Variants in KANK1 observed in about 807,000 individuals in gnomAD.
KANK1 encodes the protein KN motif and ankyrin repeat domains 1, also known as KN motif and ankyrin repeat domain-containing protein 1.
In KANK1, 109 loss-of-function variants were observed where a neutral mutation model predicts 106.2. That is an observed-to-expected ratio of 1.03 (90% CI 0.88 to 1.20). The LOEUF (loss-of-function observed/expected upper bound fraction) is 1.20, where lower values mean the gene tolerates loss of function less well. Among genes scored for constraint, KANK1 ranks in the 50% most tolerant of loss-of-function variants. The pLI, the probability that KANK1 is intolerant of heterozygous loss-of-function variation, is 0.00. For synonymous variants in KANK1, 873 were observed against 652.2 expected, an observed-to-expected ratio of 1.34 and a Z score of -5.16; for missense variants, 2,399 against 1,710.7, an observed-to-expected ratio of 1.40 and a Z score of -7.10.
At chr9:522,631 A>G (rs1277603539) in intron 1 of KANK1, among the ~76,000 whole-genome samples, 2 of 151,750 alleles carry the variant, frequency 1.3e-5, no homozygotes, top group Non-Finnish European at 2.9e-5. Flanking sequence ...GAAGGCAAAG[A>G]CCATAATGGT....
At chr9:621,433 AC>A (rs1833120469) in intron 1 of KANK1, among the ~76,000 whole-genome samples, 1 of 152,158 alleles carries the variant, frequency 6.6e-6, no homozygotes, top group South Asian at 2.1e-4. Flanking sequence ...TGTCATCATT[AC>A]CAAAAAAAAG....
intron 2 of KANK1, among the ~76,000 whole-genome samples, chr9:689,741 G>A (rs1313906214): frequency 1.3e-5 from 2 of 152,068 alleles, no homozygotes; most frequent in Non-Finnish European, 2.9e-5. Flanking sequence ...GGGAGGGGTC[G>A]GTTAAAGCAG....
intron 1 of KANK1, among the ~76,000 whole-genome samples, chr9:583,101 G>C (rs939773065): frequency 1.3e-5 from 2 of 152,172 alleles, no homozygotes; most frequent in Admixed American, 6.5e-5. Flanking sequence ...TAGTAACTTG[G>C]TTTGTGGCTG....
At chr9:611,492 G>C (rs1245913146) in intron 1 of KANK1, among the ~76,000 whole-genome samples, 1 of 152,134 alleles carries the variant, frequency 6.6e-6, no homozygotes, top group Non-Finnish European at 1.5e-5. Context: ...CTTAGTGCCT[G>C]CTCCTTGCAC....
At chr9:537,913 G>T (rs933926280) in intron 1 of KANK1, among the ~76,000 whole-genome samples, 4 of 152,164 alleles carry the variant, frequency 2.6e-5, no homozygotes, top group Non-Finnish European at 5.9e-5. Flanking sequence ...ACTATTCCTG[G>T]ATTTAATTTC....
intron 2 of KANK1, among the ~76,000 whole-genome samples, chr9:688,869 G>A (rs887673346): frequency 2.6e-5 from 4 of 152,158 alleles, no homozygotes; most frequent in South Asian, 2.1e-4. Context: ...GGTTGCAACC[G>A]TAGGTAAGAA....
Position 712,526 on chromosome 9 carries a change from A to C in KANK1, c.1760A>C (p.Glu587Ala). 6.2e-7 allele frequency: 1 copy of C among 1,614,146 alleles called. No homozygotes were observed. Among genetic ancestry groups the C allele is most frequent in the Non-Finnish European group, 8.5e-7 (1 of 1,180,032 alleles). The part of the protein sequence containing the change: ...MHDRCAGRSV[E>A]MCDKSVSVEV... ...GACCGATGTGCTGGGAGGTCTGTGG[A>C]AATGTGTGACAAGAGTGTGAGTGTG... Residue 587 changes from glutamate to alanine, a missense_variant, in exon 3 of 12, where the codon GAA becomes GCA. Physicochemically the swap from Glu to Ala is moderately radical, Grantham distance 107. Coordinates refer to ENST00000382297, the MANE Select transcript of KANK1 (RefSeq NM_015158.5).
At chr9:606,442 G>C (rs2804305) in intron 1 of KANK1, among the ~76,000 whole-genome samples, 53,671 of 146,634 alleles carry the variant, frequency 0.37, 12,722 homozygotes, top group South Asian at 0.56. Context: ...TGTAATCTCA[G>C]CTACTCAGGA....
At chr9:600,478 A>G (rs1827462925) in intron 1 of KANK1, among the ~76,000 whole-genome samples, 3 of 151,934 alleles carry the variant, frequency 2.0e-5, no homozygotes, top group South Asian at 2.1e-4. Context: ...TCATTCCCAT[A>G]CAATGTGGTA....
intron 1 of KANK1, among the ~76,000 whole-genome samples, chr9:661,237 T>G (rs1195328893): frequency 6.6e-6 from 1 of 151,966 alleles, no homozygotes; most frequent in African/African-American, 2.4e-5. Flanking sequence ...AGCTCGTCAT[T>G]TACATTAGGT....
At chr9:595,500 G>GT (rs1825992269) in intron 1 of KANK1, among the ~76,000 whole-genome samples, 1 of 151,816 alleles carries the variant, frequency 6.6e-6, no homozygotes, top group Non-Finnish European at 1.5e-5. Flanking sequence ...CTTTTGGACA[G>GT]TTATACATAA....
intron 2 of KANK1, among the ~76,000 whole-genome samples, chr9:679,970 C>T (rs10975776): frequency 0.063 from 9,587 of 152,118 alleles, 417 homozygotes; most frequent in Non-Finnish European, 0.093. Flanking sequence ...CACTTCTGTG[C>T]ATGTAAATAA....
At chr9:658,577 A>G (rs1842645290) in intron 1 of KANK1, among the ~76,000 whole-genome samples, 1 of 152,070 alleles carries the variant, frequency 6.6e-6, no homozygotes, top group South Asian at 2.1e-4. Context: ...TAGGTCTTAA[A>G]GATCTTCTAG....
chr9:634,989 A>G (rs908048986), intron 1 of KANK1, among the ~76,000 whole-genome samples: 3 of 152,182 alleles, frequency 2.0e-5, no homozygotes, highest in African/African-American at 7.2e-5. Context: ...TTGTAGGAGT[A>G]AGGAAACATT....
intron 2 of KANK1, chr9:693,440 C>G (rs1820473941): frequency 2.0e-6 from 2 of 985,274 alleles, no homozygotes; most frequent in African/African-American, 1.7e-5. Flanking sequence ...AGGCTTACAG[C>G]TGCATTTCTA....
At chr9:731,508 G>C (rs971626178) in intron 5 of KANK1, 12 of 329,034 alleles carry the variant, frequency 3.6e-5, no homozygotes, top group African/African-American at 1.7e-4. Flanking sequence ...CCTCACCTCT[G>C]ATCTGAAAGA....
intron 1 of KANK1, among the ~76,000 whole-genome samples, chr9:639,272 G>C (rs1837845806): frequency 6.6e-6 from 1 of 152,022 alleles, no homozygotes; most frequent in Non-Finnish European, 1.5e-5. Context: ...TGTGGCAAGA[G>C]TTCACTTTCT....
chr9:632,010 A>G (rs1178268208), intron 1 of KANK1, among the ~76,000 whole-genome samples: 1 of 152,208 alleles, frequency 6.6e-6, no homozygotes, highest in African/African-American at 2.4e-5. Context: ...ATCATTCTGT[A>G]TTGCATGAGT....
At chr9:595,240 C>A (rs1264509855) in intron 1 of KANK1, among the ~76,000 whole-genome samples, 111 of 151,724 alleles carry the variant, frequency 7.3e-4, no homozygotes, top group Non-Finnish European at 1.2e-3. Flanking sequence ...ATGGTGAGAC[C>A]CTGTCTCTAC....
Sources: allele counts gnomAD v4.1 joint callset (sites outside exome capture counted in the v4.1 genomes callset), GRCh38; gene constraint gnomAD v4.1.1; transcripts MANE v1.5; gene names NCBI Gene and HGNC (gene_info 2026-07-23, HGNC 2026-07-21).